TRIM2: variants seen among roughly 807,000 people sequenced by gnomAD.
TRIM2 encodes tripartite motif containing 2.
In TRIM2, 20 loss-of-function variants were observed where a neutral mutation model predicts 75.2. The observed-to-expected ratio is 0.27, with a 90% confidence interval of 0.19 to 0.39. The LOEUF is 0.39. Ranked by LOEUF, TRIM2 falls within the 10% of genes least tolerant of loss-of-function variation. The probability of loss-of-function intolerance (pLI) is 1.00; values close to 1 mark genes in which losing one functional copy is unlikely to be tolerated. For synonymous variants in TRIM2, 373 were observed against 388.3 expected (o/e 0.96, Z 0.46); for missense variants, 660 against 990.8 (o/e 0.67, Z 4.48).
chr4:153,322,786 A>G lies in TRIM2; in HGVS notation c.1921A>G (p.Ser641Gly), dbSNP rs751935527. ...CGGGAAAATAGTCACCAGGTTTGGT[A>G]GCCGAGGAAATGGGGACAGGCAGTT... The part of the protein sequence containing the change: ...PNGKIVTRFG[S>G]RGNGDRQFAG... Residue 641 changes from serine to glycine, a missense_variant, in exon 9 of 12, where the codon AGC (serine) becomes GGC (glycine). This residue lies in a region of TRIM2 where 620 missense variants were observed against 891.0 expected (regional missense o/e 0.70). Transcript: ENST00000338700. 1 of 1,614,214 alleles carries G rather than the reference A, an allele frequency of 6.2e-7. No homozygotes were observed. Among genetic ancestry groups the G allele is most frequent in the South Asian group, 1.1e-5 (1 of 91,076 alleles).
upstream of TRIM2, among the ~76,000 whole-genome samples, chr4:153,202,630 C>T (rs951298123): frequency 1.4e-5 from 2 of 146,644 alleles, no homozygotes; most frequent in African/African-American, 2.6e-5. Flanking sequence ...ACCCGAGAGG[C>T]GGAGCTTGCA....
intron 8 of TRIM2, among the ~76,000 whole-genome samples, 160 bp downstream of exon 8, chr4:153,316,159 G>A (rs1034289226): frequency 6.6e-6 from 1 of 152,146 alleles, no homozygotes; most frequent in Non-Finnish European, 1.5e-5. Context: ...GAGTAACAGT[G>A]ATAATTTCAT....
intron 1 of TRIM2, among the ~76,000 whole-genome samples, chr4:153,162,022 G>A (rs1291190795): frequency 6.6e-6 from 1 of 152,208 alleles, no homozygotes; most frequent in African/African-American, 2.4e-5. Flanking sequence ...AATTTGGCCA[G>A]CTTACTTTAA....
rs1554006368 is a variant in TRIM2, at chr4:153,336,133, T to TATATAC, written c.*1168_*1169insTATACA. On this transcript the variant is annotated 3_prime_UTR_variant, in exon 12 of 12. Coordinates refer to ENST00000338700, the MANE Select transcript of TRIM2 (RefSeq NM_015271.5). ...AGAATGTATTATATATATATATATA[T>TATATAC]ACACACACACATATATATAGCTGAA... is the stretch of plus-strand genomic sequence containing the variant. The TATATAC allele has an allele frequency of 9.3e-6, 9 of 964,352 alleles. No individual in the cohort carries two copies. Among genetic ancestry groups the TATATAC allele is most frequent in the African/African-American group, 1.8e-5 (1 of 56,618 alleles). The allele number at this position is 964,352 out of a possible 1,614,324, so 59.7% of individuals were successfully genotyped here. A position where few individuals can be genotyped will look rare whatever the true frequency, so the allele number is the denominator to read the frequency against.
chr4:153,297,326 G>A (rs1762978782), intron 6 of TRIM2, among the ~76,000 whole-genome samples: 1 of 152,218 alleles, frequency 6.6e-6, no homozygotes, highest in Admixed American at 6.5e-5. Flanking sequence ...TTGGGTGGAT[G>A]CAGGACTGGG....
At chr4:153,326,373 G>A (rs188120188) in intron 10 of TRIM2, among the ~76,000 whole-genome samples, 6 of 152,118 alleles carry the variant, frequency 3.9e-5, no homozygotes, top group South Asian at 2.1e-4. Context: ...ATAGCCTTTC[G>A]TTGTTGTTTC....
Position 153,336,850 on chromosome 4 carries a change from A to G in TRIM2, c.*1884A>G, listed in dbSNP as rs755798566. 111 of 985,462 alleles carry G rather than the reference A, an allele frequency of 1.1e-4. No individual in the cohort carries two copies. The Middle Eastern group carries it at 3.1e-3, about 28-fold the overall frequency. 61.0% of individuals were successfully genotyped at this position (985,462 alleles called of 1,614,324 possible). ...GTTTAATATTTTTTTAGTTAGGTAGAGTTTTAAAAAATACTTGAGCCTGTC... is the reference window on the plus strand; with the variant it reads ...GTTTAATATTTTTTTAGTTAGGTAGGGTTTTAAAAAATACTTGAGCCTGTC... On this transcript the variant is annotated 3_prime_UTR_variant, in exon 12 of 12. Coordinates refer to ENST00000338700, the MANE Select transcript of TRIM2 (RefSeq NM_015271.5).
upstream of TRIM2, among the ~76,000 whole-genome samples, chr4:153,200,044 C>T (rs1160374128): frequency 4.0e-5 from 6 of 150,346 alleles, no homozygotes; most frequent in Admixed American, 6.7e-5. Flanking sequence ...TGGGTTCAAG[C>T]GATTCTCCTG....
At chr4:153,290,336 G>T (rs910815595) in intron 3 of TRIM2, among the ~76,000 whole-genome samples, 1 of 152,310 alleles carries the variant, frequency 6.6e-6, no homozygotes, top group South Asian at 2.1e-4. Flanking sequence ...ACTGCGTATA[G>T]TTTTAGATCG....
chr4:153,280,196 T>C (rs1758971675), intron 3 of TRIM2, among the ~76,000 whole-genome samples: 5 of 151,412 alleles, frequency 3.3e-5, no homozygotes. Context: ...GTATAGTAAG[T>C]TTATTAAATA....
intron 1 of TRIM2, among the ~76,000 whole-genome samples, chr4:153,207,036 C>T (rs1298046625): frequency 6.6e-6 from 1 of 152,134 alleles, no homozygotes; most frequent in Non-Finnish European, 1.5e-5. Context: ...ATTACAGGTG[C>T]ATGCCCCCAT....
intron 1 of TRIM2, among the ~76,000 whole-genome samples, chr4:153,165,348 T>G (rs1432875201): frequency 6.6e-6 from 1 of 152,222 alleles, no homozygotes; most frequent in Non-Finnish European, 1.5e-5. Flanking sequence ...TTACTTATTT[T>G]GAGACAGGGT....
intron 1 of TRIM2, among the ~76,000 whole-genome samples, chr4:153,260,456 G>A (rs1464030438): frequency 6.6e-6 from 1 of 152,032 alleles, no homozygotes; most frequent in East Asian, 1.9e-4. Flanking sequence ...GAAAGAGGTA[G>A]GGGAAATATG....
intron 1 of TRIM2, among the ~76,000 whole-genome samples, chr4:153,193,787 G>A (rs1733474861): frequency 6.6e-6 from 1 of 152,162 alleles, no homozygotes; most frequent in African/African-American, 2.4e-5. Flanking sequence ...TTGGGCTGGG[G>A]CGAGCCACGG....
chr4:153,155,274 G>T (rs987498791), intron 1 of TRIM2, among the ~76,000 whole-genome samples: 4 of 152,214 alleles, frequency 2.6e-5, no homozygotes, highest in Non-Finnish European at 2.9e-5. Flanking sequence ...GTTGTTAAAA[G>T]AAATAAATGT....
Position 153,295,210 on chromosome 4 carries a change from G to T in TRIM2, c.787-103G>T. 7.0e-7 allele frequency: 1 copy of T among 1,423,842 alleles called. No homozygotes were observed. Among genetic ancestry groups the T allele is most frequent in the Non-Finnish European group, 9.2e-7 (1 of 1,081,556 alleles). The allele number at this position is 1,423,842 out of a possible 1,614,324, so 88.2% of individuals were successfully genotyped here. A position where few individuals can be genotyped will look rare whatever the true frequency, so the allele number is the denominator to read the frequency against. On this transcript the variant is annotated intron_variant, in intron 5 of 11. Transcript: ENST00000338700. The surrounding 1 kb of genome is among the most constrained non-coding windows in gnomAD (Gnocchi z 7.2). Reference sequence around the variant, plus strand: ...AAACACCGCTTGCTCAGAGCCACCTGCGTGGGCAGGTGTAGAGTCTCCTTC... The same window carrying T: ...AAACACCGCTTGCTCAGAGCCACCTTCGTGGGCAGGTGTAGAGTCTCCTTC...
intron 8 of TRIM2, among the ~76,000 whole-genome samples, chr4:153,320,883 C>G (rs1433516259): frequency 6.6e-6 from 1 of 152,304 alleles, no homozygotes; most frequent in South Asian, 2.1e-4. Flanking sequence ...CCACCCACCT[C>G]GGCCTCCCAA....
At chr4:153,247,171 C>T (rs1017716018) in intron 1 of TRIM2, among the ~76,000 whole-genome samples, 2 of 152,174 alleles carry the variant, frequency 1.3e-5, no homozygotes, top group African/African-American at 2.4e-5. Flanking sequence ...CACAAAAGTC[C>T]AGGTTTCTTT....
chr4:153,334,697 C>T (rs562184321), intron 11 of TRIM2, 117 bp from the exon 12 acceptor site: 3 of 998,018 alleles, frequency 3.0e-6, no homozygotes, highest in Admixed American at 2.6e-5. Flanking sequence ...CAGAGTGAGA[C>T]CCTGTCAAAA....
Sources: allele counts gnomAD v4.1 joint callset (sites outside exome capture counted in the v4.1 genomes callset), GRCh38; gene constraint gnomAD v4.1.1; regional missense constraint gnomAD v4.1.1; non-coding constraint Gnocchi (gnomAD v3.1); transcripts MANE v1.5; gene names NCBI Gene and HGNC (gene_info 2026-07-23, HGNC 2026-07-21).